YBX2: variants seen among roughly 807,000 people sequenced by gnomAD.
YBX2 encodes the protein Y-box binding protein 2, also known as Y-box-binding protein 2.
YBX2 carries 5 observed loss-of-function variants against 44.4 expected under a neutral mutation model. That is an observed-to-expected ratio of 0.11 (90% CI 0.06 to 0.24). The LOEUF is 0.24. YBX2 is among the 10% of genes least tolerant of loss of function. The probability of loss-of-function intolerance (pLI) is 1.00; values close to 1 mark genes in which losing one functional copy is unlikely to be tolerated. For missense variants in YBX2, 417 were observed against 526.9 expected, an observed-to-expected ratio of 0.79 and a Z score of 2.04; for synonymous variants, 188 against 216.1, an observed-to-expected ratio of 0.87 and a Z score of 1.14.
At chr17:7,293,373 C>T in intron 2 of YBX2, 102 bp downstream of exon 2, 1 of 1,578,702 alleles carries the variant, frequency 6.3e-7, no homozygotes, top group Non-Finnish European at 8.6e-7. Flanking sequence ...GACATTGCAA[C>T]CATGTGCCTC....
In YBX2 at chr17:7,288,770, C is replaced by CT. The variant is rs199947618; in HGVS notation, c.*17dup. ...TCACCAGATGGCAGCTCTGGGTGTC[C>CT]TCTGAGTTGAGTTGGAATCACTCCA... On this transcript the variant is annotated 3_prime_UTR_variant, in exon 8 of 9. Transcript: ENST00000007699. 26,331 of 1,613,938 alleles carry CT rather than the reference C, an allele frequency of 0.016. 273 individuals are homozygous for CT. The highest frequency in any genetic ancestry group is 0.02 in the Non-Finnish European group (24,080 of 1,179,860).
chr17:7,289,515 A>G lies in YBX2; in HGVS notation c.1044+15T>C. 6.3e-7 allele frequency: 1 copy of G among 1,589,432 alleles called. No homozygotes were observed. The stretch of plus-strand genomic sequence containing the variant: ...GTCTCAGCCTTTTCTTTCATCCCAC[A>G]TCTGAGGTCCTCACCTCAGGGGCTG... On this transcript the variant is annotated intron_variant, in intron 7 of 8. Transcript: ENST00000007699.
chr17:7,294,635 A>T lies in YBX2; in HGVS notation c.-135T>A. 1 of 1,031,222 alleles carries T rather than the reference A, an allele frequency of 9.7e-7. No individual in the cohort carries two copies. Among genetic ancestry groups the T allele is most frequent in the Admixed American group, 4.7e-5 (1 of 21,094 alleles). The allele number at this position is 1,031,222 out of a possible 1,614,324, so 63.9% of individuals were successfully genotyped here. A position where few individuals can be genotyped will look rare whatever the true frequency, so the allele number is the denominator to read the frequency against. On this transcript the variant is annotated 5_prime_UTR_variant, in exon 1 of 9. In the 5' UTR this introduces an upstream ATG that the reference lacks. Transcript: ENST00000007699. This position sits in a 1 kb window ranked among gnomAD's most constrained non-coding sequence, Gnocchi z 4.6. ...GGCAGCGGGCCCGGAGCCGAGGCCA[A>T]TGGCAGCCCGCTGCCGCCGCTCGCG...
chr17:7,288,856 C>T lies in YBX2; in HGVS notation c.1045-18G>A. On this transcript the variant is annotated intron_variant, in intron 7 of 8. Coordinates refer to ENST00000007699, the MANE Select transcript of YBX2 (RefSeq NM_015982.4). The stretch of plus-strand genomic sequence containing the variant: ...GCTGAGGTCTAAAGAACAGCGGTGG[C>T]CAATTGAGACTTGTTCTTTTTGTTT... 6.2e-7 allele frequency: 1 copy of T among 1,613,470 alleles called. No homozygotes were observed. Among genetic ancestry groups the T allele is most frequent in the Non-Finnish European group, 8.5e-7 (1 of 1,179,630 alleles).
chr17:7,290,071 C>G lies in YBX2; in HGVS notation c.745G>C (p.Gly249Arg). The change falls in exon 6 of 9, where the codon GGC (glycine) becomes CGC (arginine). Residue 249 changes from glycine to arginine, a missense_variant and splice_region_variant. Gly to Arg is a moderately radical substitution (Grantham distance 125, BLOSUM62 -2). Transcript: ENST00000007699. ...TCTTTGGGTTCTACCCTGTCAGTGC[C>G]CTGGGAACATGCAAAGGCCCCGGTG... ...RPPNQQQPIE[G>R]TDRVEPKETA... 6.2e-7 allele frequency: 1 copy of G among 1,614,230 alleles called. No homozygotes were observed.
Position 7,291,065 on chromosome 17 carries a change from A to C in YBX2, c.459+28T>G, listed in dbSNP as rs1246799386. On this transcript the variant is annotated intron_variant, in intron 4 of 8. Coordinates refer to ENST00000007699, the MANE Select transcript of YBX2 (RefSeq NM_015982.4). This position sits in a 1 kb window ranked among gnomAD's most constrained non-coding sequence, Gnocchi z 5.8. ...GGCCACCCTCCCGTAAGCCTAGTCA[A>C]CTCTATACCCCATAGCAGTCCCCAA... 4 of 1,610,130 alleles carry C rather than the reference A, an allele frequency of 2.5e-6. No homozygotes were observed. Among genetic ancestry groups the C allele is most frequent in the Non-Finnish European group, 3.4e-6 (4 of 1,178,456 alleles).
intron 4 of YBX2, 133 bp from the exon 5 acceptor site, chr17:7,290,668 C>A: frequency 9.1e-7 from 1 of 1,093,448 alleles, no homozygotes; most frequent in Non-Finnish European, 1.3e-6. Flanking sequence ...TTTCTACCCT[C>A]CCTGGAGAGG....
chr17:7,289,741 A>G lies in YBX2; in HGVS notation c.849-16T>C, dbSNP rs55781423. 1,109,476 of 1,612,718 alleles carry G rather than the reference A, an allele frequency of 0.69. 389,943 individuals are homozygous for G. The highest frequency in any genetic ancestry group is 0.73 in the Non-Finnish European group (860,317 of 1,179,620). ...GCGGAAAGGCCTAAGGCAAGGAACA[A>G]GGCTCTGAGGGGACCAGGGAATACT... On this transcript the variant is annotated splice_polypyrimidine_tract_variant and intron_variant, in intron 6 of 8. Coordinates refer to ENST00000007699, the MANE Select transcript of YBX2 (RefSeq NM_015982.4).
rs754750988 is a variant in YBX2, at chr17:7,290,086, A to T, written c.745-15T>A. The T allele has an allele frequency of 6.2e-7, 1 of 1,614,024 alleles. No individual in the cohort carries two copies. The highest frequency in any genetic ancestry group is 8.5e-7 in the Non-Finnish European group (1 of 1,179,916). On this transcript the variant is annotated splice_polypyrimidine_tract_variant and intron_variant, in intron 5 of 8. Coordinates refer to ENST00000007699, the MANE Select transcript of YBX2 (RefSeq NM_015982.4). ...CTGTCAGTGCCCTGGGAACATGCAAAGGCCCCGGTGAGCTGTGGGGACAGC... is the reference window on the plus strand; with the variant it reads ...CTGTCAGTGCCCTGGGAACATGCAATGGCCCCGGTGAGCTGTGGGGACAGC...
In YBX2 at chr17:7,293,492, A is replaced by G. The variant is rs1212690897; in HGVS notation, c.318T>C (p.Gly106=). ...GTVKWFNVRN[G]YGFINRNDTK... The stretch of plus-strand genomic sequence containing the variant: ...TTGGATACCTGTTGATGAATCCGTA[A>G]CCATTCCGGACGTTGAACCATTTGA... Residue 106 remains glycine (G), a synonymous_variant, in exon 2 of 9, where the codon GGT becomes GGC. Transcript: ENST00000007699. 6.2e-7 allele frequency: 1 copy of G among 1,614,054 alleles called. No individual in the cohort carries two copies. Among genetic ancestry groups the G allele is most frequent in the South Asian group, 1.1e-5 (1 of 91,074 alleles).
At chr17:7,293,381 C>T (rs897549051) in intron 2 of YBX2, 94 bp downstream of exon 2, 2 of 1,588,138 alleles carry the variant, frequency 1.3e-6, no homozygotes, top group African/African-American at 2.7e-5. Flanking sequence ...AACCATGTGC[C>T]TCCGCAGGGG....
At chr17:7,293,407 G>A (rs1334578758) in intron 2 of YBX2, 68 bp downstream of exon 2, 12 of 1,609,322 alleles carry the variant, frequency 7.5e-6, no homozygotes, top group East Asian at 2.2e-5. Context: ...GAGGTTGGGC[G>A]GGTGTCCAGT....
At chr17:7,293,783 C>T (rs918941020) in intron 1 of YBX2, 1 of 702,400 alleles carries the variant, frequency 1.4e-6, no homozygotes, top group South Asian at 1.9e-5. Flanking sequence ...TCACGTTCCC[C>T]ACATCCTACA....
chr17:7,290,197 C>T, intron 5 of YBX2, 54 bp downstream of exon 5: 1 of 1,608,546 alleles, frequency 6.2e-7, no homozygotes, highest in South Asian at 1.1e-5. Flanking sequence ...ATCCTAACTC[C>T]CACTCCTCTC....
rs369627616 is a variant in YBX2 at position 7,290,233 on chromosome 17, A to G, written c.744+18T>C. Reference sequence around the variant, plus strand: ...CTGAACTTGGGGAACTGGCTCCCATATTCCAGCATCCCCTCACCTCTATAG... The same window carrying G: ...CTGAACTTGGGGAACTGGCTCCCATGTTCCAGCATCCCCTCACCTCTATAG... On this transcript the variant is annotated intron_variant, in intron 5 of 8. Transcript: ENST00000007699. The G allele has an allele frequency of 1.2e-4, 199 of 1,607,058 alleles. No individual in the cohort carries two copies. The highest frequency in any genetic ancestry group is 1.6e-4 in the Non-Finnish European group (188 of 1,175,170).
At chr17:7,293,162 T>C (rs2072514019) in intron 2 of YBX2, 2 of 450,376 alleles carry the variant, frequency 4.4e-6, no homozygotes, top group African/African-American at 4.0e-5. Flanking sequence ...CTATAATACA[T>C]TCTGCCCCAA....
chr17:7,290,662 T>G, intron 4 of YBX2, 127 bp from the exon 5 acceptor site: 23 of 1,129,644 alleles, frequency 2.0e-5, no homozygotes, highest in Non-Finnish European at 2.7e-5. Context: ...AACTTCTTTC[T>G]ACCCTCCCTG....
chr17:7,292,068 C>G lies in YBX2; in HGVS notation c.336-9G>C. 1.2e-6 allele frequency: 2 copies of G among 1,614,108 alleles called. No homozygotes were observed. Among genetic ancestry groups the G allele is most frequent in the Non-Finnish European group, 1.7e-6 (2 of 1,180,002 alleles). On this transcript the variant is annotated splice_polypyrimidine_tract_variant and intron_variant, in intron 2 of 8. Coordinates refer to ENST00000007699, the MANE Select transcript of YBX2 (RefSeq NM_015982.4). ...CTTCCTTGGTGTCATTCCTGCAGAA[C>G]AGGATGGGTCGTTAAGGAAGGGACT...
chr17:7,289,793 C>G, intron 6 of YBX2, 68 bp from the exon 7 acceptor site: 1 of 1,603,082 alleles, frequency 6.2e-7, no homozygotes, highest in South Asian at 1.1e-5. Context: ...CCCAGCTGCC[C>G]CACCCCACCT....
Sources: allele counts gnomAD v4.1 joint callset, GRCh38; gene constraint gnomAD v4.1.1; non-coding constraint Gnocchi (gnomAD v3.1); transcripts MANE v1.5; gene names NCBI Gene and HGNC (gene_info 2026-07-23, HGNC 2026-07-21).